Variants in GLI2 observed in about 807,000 individuals in gnomAD.
GLI2 encodes GLI family zinc finger 2.
Under a neutral mutation model 78.9 loss-of-function variants are expected in GLI2, and 22 were observed. The ratio of observed to expected loss-of-function variants is 0.28; its 90% CI spans 0.20 to 0.40. The LOEUF is 0.40. Among genes scored for constraint, GLI2 ranks in the 10% least tolerant of loss-of-function variants. The probability of loss-of-function intolerance (pLI) is 1.00; values close to 1 mark genes in which losing one functional copy is unlikely to be tolerated. For missense variants in GLI2, 2,097 were observed against 2,213.2 expected (o/e 0.95, Z 1.05); for synonymous variants, 974 against 963.7 (o/e 1.01, Z -0.20).
intron 6 of GLI2, among the ~76,000 whole-genome samples, chr2:120,969,552 C>T (rs1682032070): frequency 6.6e-6 from 1 of 152,276 alleles, no homozygotes; most frequent in Non-Finnish European, 1.5e-5. Flanking sequence ...TAACAAATTG[C>T]TCCAACGCAT....
chr2:120,861,294 G>A (rs1310946448), intron 2 of GLI2, among the ~76,000 whole-genome samples: 1 of 152,202 alleles, frequency 6.6e-6, no homozygotes, highest in African/African-American at 2.4e-5. Flanking sequence ...CATATGTAGT[G>A]GGTGCTGACG....
chr2:120,914,923 G>A (rs188620419), intron 2 of GLI2, among the ~76,000 whole-genome samples: 3 of 152,328 alleles, frequency 2.0e-5, no homozygotes, highest in Admixed American at 6.5e-5. Context: ...ACACTATGCC[G>A]CCTCTTGTGG....
rs1682962497 is a variant in GLI2 at position 120,986,208 on chromosome 2, G to C, written c.1906-70G>C. 15 of 1,414,824 alleles carry C rather than the reference G, an allele frequency of 1.1e-5. No individual in the cohort carries two copies. In the South Asian group the frequency reaches 1.3e-4, roughly 12 times the overall value. The allele number at this position is 1,414,824 out of a possible 1,614,324, so 87.6% of individuals were successfully genotyped here. A position where few individuals can be genotyped will look rare whatever the true frequency, so the allele number is the denominator to read the frequency against. ...TGGGCGAGGGTGTGGTGCCTGTGCAGGCCTAGAGGCAGGACCAGGTGGAAT... is the reference window on the plus strand; with the variant it reads ...TGGGCGAGGGTGTGGTGCCTGTGCACGCCTAGAGGCAGGACCAGGTGGAAT... On this transcript the variant is annotated intron_variant, in intron 12 of 13. Coordinates refer to ENST00000361492, the MANE Select transcript of GLI2 (RefSeq NM_001374353.1).
chr2:120,943,176 C>T (rs1388255296), intron 3 of GLI2, among the ~76,000 whole-genome samples: 1 of 152,186 alleles, frequency 6.6e-6, no homozygotes, highest in African/African-American at 2.4e-5. Flanking sequence ...AGCCACCTAA[C>T]ACAGAAGCAC....
At chr2:120,754,437 C>T (rs1460282180) in intron 1 of GLI2, among the ~76,000 whole-genome samples, 1 of 152,034 alleles carries the variant, frequency 6.6e-6, no homozygotes, top group African/African-American at 2.4e-5. Flanking sequence ...AATCTGTCCC[C>T]CCACCCCACC....
chr2:120,745,780 C>T (rs1682676966), intron 1 of GLI2, among the ~76,000 whole-genome samples: 2 of 152,230 alleles, frequency 1.3e-5, no homozygotes, highest in Non-Finnish European at 2.9e-5. Flanking sequence ...GGTCCTCATC[C>T]ACCCTGCAGC....
At chr2:120,951,179 T>C in intron 3 of GLI2, 64 bp from the exon 4 acceptor site, 1 of 917,910 alleles carries the variant, frequency 1.1e-6, no homozygotes, top group Non-Finnish European at 1.8e-6. Context: ...CATGTTGGTT[T>C]TGGGGTCTTG....
At chr2:120,931,639 G>A (rs770571632) in intron 3 of GLI2, among the ~76,000 whole-genome samples, 9 of 152,166 alleles carry the variant, frequency 5.9e-5, no homozygotes, top group Non-Finnish European at 1.3e-4. Context: ...GGCCAGGCAC[G>A]GCCCTGGGCC....
rs1290055364 is a variant in GLI2, at chr2:120,988,771, G to T, written c.2806G>T (p.Ala936Ser). Residue 936 changes from alanine (A) to serine (S), a missense_variant, in exon 14 of 14, where the codon GCT (alanine) becomes TCT (serine). By Grantham distance (99) the Ala-to-Ser change is moderately conservative. Transcript: ENST00000361492. ...GPTYGHGHAG[A>S]APAFPHEAPG... ...GACCTATGGCCACGGCCACGCGGGG[G>T]CTGCGCCCGCCTTCCCCCACGAGGC... is the stretch of plus-strand genomic sequence containing the variant. 5 of 1,301,208 alleles carry T rather than the reference G, an allele frequency of 3.8e-6. No homozygotes were observed. Among genetic ancestry groups the T allele is most frequent in the African/African-American group, 1.6e-5 (1 of 62,888 alleles). The allele number at this position is 1,301,208 out of a possible 1,614,324, so 80.6% of individuals were successfully genotyped here. A position where few individuals can be genotyped will look rare whatever the true frequency, so the allele number is the denominator to read the frequency against.
intron 5 of GLI2, among the ~76,000 whole-genome samples, chr2:120,957,729 G>C (rs959021716): frequency 6.6e-6 from 1 of 152,246 alleles, no homozygotes; most frequent in South Asian, 2.1e-4. Context: ...GTGTGTGCAC[G>C]TGTGTGTACG....
intron 1 of GLI2, among the ~76,000 whole-genome samples, chr2:120,762,980 G>A (rs1293299836): frequency 6.6e-6 from 1 of 152,236 alleles, no homozygotes; most frequent in East Asian, 1.9e-4. Context: ...GGGTTGGCAG[G>A]ATGAAGAGAA....
intron 5 of GLI2, among the ~76,000 whole-genome samples, chr2:120,956,335 G>C (rs1489003889): frequency 6.6e-6 from 1 of 152,100 alleles, no homozygotes; most frequent in Non-Finnish European, 1.5e-5. Flanking sequence ...TCATGGAAGG[G>C]AGGGAAGTCA....
chr2:120,752,563 C>T (rs190263909), intron 1 of GLI2, among the ~76,000 whole-genome samples: 1 of 152,244 alleles, frequency 6.6e-6, no homozygotes, highest in African/African-American at 2.4e-5. Context: ...GCCACCGCAC[C>T]TGGCCCTATC....
Position 120,975,270 on chromosome 2 carries a change from T to C in GLI2, c.1317+161T>C, listed in dbSNP as rs377662134. On this transcript the variant is annotated intron_variant, in intron 9 of 13. Coordinates refer to ENST00000361492, the MANE Select transcript of GLI2 (RefSeq NM_001374353.1). ...TGCAAGTGGGAGGCATAATTACTTA[T>C]GTGTGTCCTGCCTGTTTTTAAGATG... Among the ~76,000 whole-genome samples, 24 of 152,376 alleles carry C rather than the reference T, an allele frequency of 1.6e-4. No individual in the cohort carries two copies. In the South Asian group the frequency reaches 4.4e-3, roughly 28 times the overall value.
intron 1 of GLI2, among the ~76,000 whole-genome samples, chr2:120,746,391 C>G (rs558407897): frequency 3.3e-5 from 5 of 152,180 alleles, no homozygotes; most frequent in Non-Finnish European, 7.3e-5. Flanking sequence ...TGCACCCCCC[C>G]AGAAGCTGCC....
At chr2:120,766,939 G>C (rs763347284) in intron 1 of GLI2, among the ~76,000 whole-genome samples, 9 of 152,232 alleles carry the variant, frequency 5.9e-5, no homozygotes, top group Non-Finnish European at 1.2e-4. Flanking sequence ...CCATGACAGG[G>C]CAGCTGGAGA....
At position 120,988,906 on chromosome 2, in the gene GLI2, C is replaced by G. The variant is rs1194362558; in HGVS notation, c.2941C>G (p.Leu981Val). The stretch of plus-strand genomic sequence containing the variant: ...CACCCACAACGTGAACCCCGGCCCG[C>G]TGCCGCCCTGTGCCGACAGGCGAGG... Reference protein sequence around the residue: ...HSTHNVNPGPLPPCADRRGLR... With the variant: ...HSTHNVNPGPVPPCADRRGLR... Residue 981 changes from leucine to valine, a missense_variant, in exon 14 of 14, where the codon CTG becomes GTG. By Grantham distance (32) the Leu-to-Val change is conservative. This residue lies in a region of GLI2 where 1,290 missense variants were observed against 1,261.7 expected (regional missense o/e 1.02). Transcript: ENST00000361492. 13 of 1,513,764 alleles carry G rather than the reference C, an allele frequency of 8.6e-6. No individual in the cohort carries two copies. The African/African-American group carries it at 1.5e-4, about 18-fold the overall frequency. 93.8% of individuals were successfully genotyped at this position (1,513,764 alleles called of 1,614,324 possible).
At chr2:120,753,257 A>G (rs1220136805) in intron 1 of GLI2, among the ~76,000 whole-genome samples, 2 of 152,036 alleles carry the variant, frequency 1.3e-5, no homozygotes, top group Non-Finnish European at 1.5e-5. Context: ...CACCACGCCC[A>G]GCTAATTTTT....
At chr2:120,904,893 A>G (rs1011014017) in intron 2 of GLI2, among the ~76,000 whole-genome samples, 1 of 152,210 alleles carries the variant, frequency 6.6e-6, no homozygotes, top group Non-Finnish European at 1.5e-5. Flanking sequence ...AGCAGAGAGA[A>G]GGGAGGGAGT....
Sources: allele counts gnomAD v4.1 joint callset (sites outside exome capture counted in the v4.1 genomes callset), GRCh38; gene constraint gnomAD v4.1.1; regional missense constraint gnomAD v4.1.1; transcripts MANE v1.5; gene names NCBI Gene and HGNC (gene_info 2026-07-23, HGNC 2026-07-21).